Variants in TMEM204 observed in about 807,000 individuals in gnomAD.
TMEM204 encodes transmembrane protein 204, also known as claudin-like protein 24.
Under a neutral mutation model 19.4 loss-of-function variants are expected in TMEM204, and 15 were observed. The observed-to-expected ratio is 0.77, with a 90% CI of 0.52 to 1.19. The LOEUF (loss-of-function observed/expected upper bound fraction) is 1.19. Among genes scored for constraint, TMEM204 ranks in the 50% most tolerant of loss-of-function variants. TMEM204 has a pLI of 0.00. For missense variants in TMEM204, 287 were observed against 321.2 expected, an observed-to-expected ratio of 0.89 and a Z score of 0.81; for synonymous variants, 161 against 146.0, an observed-to-expected ratio of 1.10 and a Z score of -0.74.
In TMEM204 at chr16:1,553,087, C is replaced by A. The variant is rs2032804254; in HGVS notation, c.437-1695C>A. The A allele has an allele frequency of 1.0e-6, 1 of 985,276 alleles. No homozygotes were observed. The highest frequency in any genetic ancestry group is 1.2e-6 in the Non-Finnish European group (1 of 829,930). The allele number at this position is 985,276 out of a possible 1,614,324, so 61.0% of individuals were successfully genotyped here. A position where few individuals can be genotyped will look rare whatever the true frequency, so the allele number is the denominator to read the frequency against. On this transcript the variant is annotated intron_variant, in intron 2 of 2. Transcript: ENST00000566264. The surrounding 1 kb of genome is among the most constrained non-coding windows in gnomAD (Gnocchi z 4.4). ...AGGACAAAATGGAGATAGATAAATG[C>A]TTAATTCATACTTTCTGGAGGGTAC...
Position 1,534,067 on chromosome 16 carries a change from G to C in TMEM204, c.-209G>C. The C allele has an allele frequency of 9.8e-6, 6 of 614,424 alleles. No homozygotes were observed. The highest frequency in any genetic ancestry group is 1.6e-5 in the Non-Finnish European group (6 of 369,094). 38.1% of individuals were successfully genotyped at this position (614,424 alleles called of 1,614,324 possible). On this transcript the variant is annotated 5_prime_UTR_variant, in exon 1 of 3. Transcript: ENST00000566264. ...CCCGAGGCGAGCAGCTTCAGCACAGGCCTGGCCCTGCTCCAGGTGCAGGAA... is the reference window on the plus strand; with the variant it reads ...CCCGAGGCGAGCAGCTTCAGCACAGCCCTGGCCCTGCTCCAGGTGCAGGAA...
intron 1 of TMEM204, among the ~76,000 whole-genome samples, chr16:1,539,140 C>T (rs1054076986): frequency 2.7e-5 from 4 of 149,056 alleles, no homozygotes; most frequent in East Asian, 2.0e-4. Flanking sequence ...GACGGCCCCA[C>T]GCCTCAGGCC....
rs373990763 is a variant in TMEM204 at position 1,534,482 on chromosome 16, C to T, written c.207C>T (p.Asp69=). 1.7e-5 allele frequency: 27 copies of T among 1,610,364 alleles called. No homozygotes were observed. Among genetic ancestry groups the T allele is most frequent in the African/African-American group, 1.5e-4 (11 of 74,934 alleles). ...PSPGARAGQV[D]AHDCEALGWG... ...CTGGGGCCAGAGCCGGCCAGGTGGA[C>T]GCACATGACTGTGAGGCGCTGGGCT... The change falls in exon 1 of 3, where the codon GAC becomes GAT. Residue 69 remains aspartate, a synonymous_variant. Coordinates refer to ENST00000566264, the MANE Select transcript of TMEM204 (RefSeq NM_024600.6).
At position 1,534,237 on chromosome 16, in the gene TMEM204, T is replaced by C. The variant is rs771552609; in HGVS notation, c.-39T>C. ...TGGACGTGCGGCCGCGGACTGGGAC[T>C]TGGCTTTCTCCGGATAAGCGGCGGC... is the stretch of plus-strand genomic sequence containing the variant. On this transcript the variant is annotated 5_prime_UTR_variant, in exon 1 of 3. Coordinates refer to ENST00000566264, the MANE Select transcript of TMEM204 (RefSeq NM_024600.6). 3 of 1,604,296 alleles carry C rather than the reference T, an allele frequency of 1.9e-6. No individual in the cohort carries two copies. Among genetic ancestry groups the C allele is most frequent in the Non-Finnish European group, 2.5e-6 (3 of 1,178,804 alleles).
chr16:1,536,350 G>T (rs532696942), intron 1 of TMEM204, among the ~76,000 whole-genome samples: 85 of 152,320 alleles, frequency 5.6e-4, no homozygotes, highest in African/African-American at 1.9e-3. Context: ...AGGCCAGCAG[G>T]ACACACGAGG....
At chr16:1,552,075 C>T (rs1246220394) in intron 2 of TMEM204, among the ~76,000 whole-genome samples, 1 of 152,196 alleles carries the variant, frequency 6.6e-6, no homozygotes, top group Non-Finnish European at 1.5e-5. Context: ...GGGCACAATC[C>T]CTTTCCACTG....
At position 1,553,387 on chromosome 16, in the gene TMEM204, T is replaced by C; in HGVS notation, c.437-1395T>C. 5.1e-6 allele frequency: 5 copies of C among 985,314 alleles called. No homozygotes were observed. The highest frequency in any genetic ancestry group is 1.7e-5 in the African/African-American group (1 of 57,332). The allele number at this position is 985,314 out of a possible 1,614,324, so 61.0% of individuals were successfully genotyped here. On this transcript the variant is annotated intron_variant, in intron 2 of 2. Transcript: ENST00000566264. The surrounding 1 kb of genome is among the most constrained non-coding windows in gnomAD (Gnocchi z 4.4). Reference sequence around the variant, plus strand: ...TGGGGCCACACAGGGCAGGGCATGATTTGGTTTCCTGGGGAATGCAGGGGA... The same window carrying C: ...TGGGGCCACACAGGGCAGGGCATGACTTGGTTTCCTGGGGAATGCAGGGGA...
intron 2 of TMEM204, among the ~76,000 whole-genome samples, chr16:1,544,701 T>C (rs919198825): frequency 2.6e-5 from 4 of 151,762 alleles, no homozygotes; most frequent in South Asian, 2.1e-4. Flanking sequence ...CAGGCTGGAG[T>C]GCAGTGGCGC....
At chr16:1,541,256 T>C in intron 1 of TMEM204, 1 of 985,266 alleles carries the variant, frequency 1.0e-6, no homozygotes, top group Non-Finnish European at 1.2e-6. Flanking sequence ...TTGTGGCAGA[T>C]GGGGTGACGG....
intron 2 of TMEM204, among the ~76,000 whole-genome samples, chr16:1,550,354 G>A (rs2141374323): frequency 6.6e-6 from 1 of 152,326 alleles, no homozygotes; most frequent in African/African-American, 2.4e-5. Context: ...GTCATGTCTG[G>A]ATTAGAATGG....
At chr16:1,552,341 A>C (rs1596350836) in intron 2 of TMEM204, among the ~76,000 whole-genome samples, 9 of 144,952 alleles carry the variant, frequency 6.2e-5, no homozygotes, top group South Asian at 2.3e-4. Context: ...AGAGCGCCCC[A>C]CCCCTCCCGC....
chr16:1,538,668 G>C (rs1385869660), intron 1 of TMEM204, among the ~76,000 whole-genome samples: 5 of 152,232 alleles, frequency 3.3e-5, no homozygotes, highest in Admixed American at 6.5e-5. Flanking sequence ...CTGAATGGAA[G>C]TCATTGCCAA....
Position 1,534,331 on chromosome 16 carries a change from T to A in TMEM204, c.56T>A (p.Ile19Asn). 1 of 1,612,794 alleles carries A rather than the reference T, an allele frequency of 6.2e-7. No homozygotes were observed. Among genetic ancestry groups the A allele is most frequent in the Non-Finnish European group, 8.5e-7 (1 of 1,179,884 alleles). The change falls in exon 1 of 3, where the codon ATC becomes AAC. Residue 19 changes from isoleucine (I) to asparagine (N), a missense_variant. Coordinates refer to ENST00000566264, the MANE Select transcript of TMEM204 (RefSeq NM_024600.6). The part of the protein sequence containing the change: ...AAVLVALVSL[I>N]LNNVAAFTSN... Reference sequence around the variant, plus strand: ...GTGCTGGTGGCCCTGGTCTCACTCATCCTCAACAACGTGGCGGCCTTCACC... The same window carrying A: ...GTGCTGGTGGCCCTGGTCTCACTCAACCTCAACAACGTGGCGGCCTTCACC...
chr16:1,549,095 G>A (rs866324873), intron 2 of TMEM204, among the ~76,000 whole-genome samples: 2 of 152,168 alleles, frequency 1.3e-5, no homozygotes, highest in Non-Finnish European at 2.9e-5. Flanking sequence ...GCCTAGGGCC[G>A]CGCAGGTTCA....
At chr16:1,545,866 G>A (rs2032127405) in intron 2 of TMEM204, among the ~76,000 whole-genome samples, 1 of 152,214 alleles carries the variant, frequency 6.6e-6, no homozygotes, top group Non-Finnish European at 1.5e-5. Context: ...GTCTGGGTCT[G>A]CAAAGGGACC....
chr16:1,549,141 C>A (rs1276720706), intron 2 of TMEM204, among the ~76,000 whole-genome samples: 1 of 152,268 alleles, frequency 6.6e-6, no homozygotes, highest in Non-Finnish European at 1.5e-5. Flanking sequence ...CTGGGTCTCA[C>A]TGGCGTCCGA....
intron 1 of TMEM204, chr16:1,540,935 C>T (rs1370005425): frequency 9.1e-6 from 9 of 985,318 alleles, no homozygotes; most frequent in Non-Finnish European, 1.1e-5. Context: ...ACATTGTCTG[C>T]TCTGCAGCGT....
chr16:1,541,248 G>A (rs2031604399), intron 1 of TMEM204: 28 of 985,454 alleles, frequency 2.8e-5, no homozygotes, highest in Non-Finnish European at 3.4e-5. Flanking sequence ...TGAAAGATTT[G>A]TGGCAGATGG....
chr16:1,546,176 G>A (rs2032155240), intron 2 of TMEM204, among the ~76,000 whole-genome samples: 2 of 152,232 alleles, frequency 1.3e-5, no homozygotes, highest in Admixed American at 1.3e-4. Context: ...CCAATGGAAG[G>A]TAAAAGGTCA....
Sources: gnomAD v4.1 joint callset for allele counts (sites outside exome capture counted in the v4.1 genomes callset) on GRCh38, gnomAD v4.1.1 for gene constraint, Gnocchi (gnomAD v3.1) non-coding constraint, MANE v1.5 for transcripts, NCBI Gene and HGNC (gene_info 2026-07-23, HGNC 2026-07-21) for gene names.